Variants in TENM2 observed in about 807,000 individuals in gnomAD.
The protein encoded by TENM2 is teneurin-2.
A neutral mutation model predicts 245.2 loss-of-function variants in TENM2; 52 were observed. The observed-to-expected ratio is 0.21, with a 90% confidence interval of 0.17 to 0.27. The LOEUF (loss-of-function observed/expected upper bound fraction) is 0.27. TENM2 is among the 10% of genes least tolerant of loss of function. The pLI is 1.00. For synonymous variants in TENM2, 1,363 were observed against 1,438.9 expected (o/e 0.95, Z 1.19); for missense variants, 3,046 against 3,666.8 (o/e 0.83, Z 4.37).
chr5:166,983,927 C>T, the TENM2 span, among the ~76,000 whole-genome samples: 1 of 152,010 alleles, frequency 6.6e-6, no homozygotes, highest in African/African-American at 2.4e-5. Context: ...GTTTTCAGCT[C>T]ATTCATTCTT....
At chr5:168,046,491 C>T (rs959673707) in intron 5 of TENM2, among the ~76,000 whole-genome samples, 11 of 152,112 alleles carry the variant, frequency 7.2e-5, no homozygotes, top group Non-Finnish European at 1.5e-4. Flanking sequence ...GCTTTTCATT[C>T]CACTCAGTAG....
chr5:168,133,598 T>A (rs1225004981), intron 12 of TENM2, among the ~76,000 whole-genome samples: 1 of 152,238 alleles, frequency 6.6e-6, no homozygotes, highest in Non-Finnish European at 1.5e-5. Context: ...GCCCAGCTGA[T>A]GAGGCATTGT....
chr5:167,484,084 C>T (rs1182604577), intron 2 of TENM2, among the ~76,000 whole-genome samples: 2 of 152,130 alleles, frequency 1.3e-5, no homozygotes, highest in African/African-American at 2.4e-5. Flanking sequence ...TGGTGGCTCA[C>T]GCCTGTAATC....
intron 3 of TENM2, among the ~76,000 whole-genome samples, chr5:167,931,622 T>A (rs1183753745): frequency 6.9e-6 from 1 of 145,968 alleles, no homozygotes; most frequent in African/African-American, 2.5e-5. Flanking sequence ...GTTCCCCGGG[T>A]GGAGAATGAG....
In TENM2 at chr5:167,776,592, T is replaced by TGG. The variant is rs200986454; in HGVS notation, c.503-99393_503-99392insGG. Among the ~76,000 whole-genome samples, 4 of 36,840 alleles carry TGG rather than the reference T, an allele frequency of 1.1e-4. No individual in the cohort carries two copies. The African/African-American group carries it at 1.1e-3, about 10-fold the overall frequency. The allele number at this position is 36,840 out of a possible 152,430, so 24.2% of individuals were successfully genotyped here. ...CTTGGGCAGCAGATGAGACCCTGTCTGAAAAAAAAAAAAAAAAAAAAAAAA... is the reference window on the plus strand; with the variant it reads ...CTTGGGCAGCAGATGAGACCCTGTCTGGGAAAAAAAAAAAAAAAAAAAAAAAA... On this transcript the variant is annotated intron_variant, in intron 2 of 28. Coordinates refer to ENST00000518659, the Ensembl canonical transcript of TENM2.
intron 1 of TENM2, among the ~76,000 whole-genome samples, chr5:167,295,749 A>G (rs945950305): frequency 6.6e-6 from 1 of 152,146 alleles, no homozygotes; most frequent in Non-Finnish European, 1.5e-5. Flanking sequence ...TTTCTTGAGC[A>G]CCTTAATTGG....
intron 2 of TENM2, among the ~76,000 whole-genome samples, chr5:167,509,289 G>T (rs1282396098): frequency 6.6e-6 from 1 of 152,156 alleles, no homozygotes; most frequent in Non-Finnish European, 1.5e-5. Context: ...TCTAATTGTG[G>T]TGAGAAGCAA....
At chr5:167,416,095 G>A (rs1763154308) in intron 2 of TENM2, among the ~76,000 whole-genome samples, 1 of 152,154 alleles carries the variant, frequency 6.6e-6, no homozygotes, top group South Asian at 2.1e-4. Context: ...TAGTTTGAGG[G>A]ATATGTGTGT....
At chr5:167,168,781 A>T in the TENM2 span, among the ~76,000 whole-genome samples, 1 of 152,120 alleles carries the variant, frequency 6.6e-6, no homozygotes, top group East Asian at 1.9e-4. Flanking sequence ...GTTTTTTGAG[A>T]CAGAGTCTCG....
chr5:168,204,664 C>T, intron 19 of TENM2, 43 bp downstream of exon 21: 1 of 1,599,702 alleles, frequency 6.3e-7, no homozygotes, highest in Middle Eastern at 1.7e-4. Context: ...CTCTTGCCCC[C>T]CATAACTCCT....
In TENM2 at chr5:168,016,558, G is replaced by A. The variant is rs190836838; in HGVS notation, c.1186+23376G>A. Among the ~76,000 whole-genome samples the A allele has an allele frequency of 2.2e-4, 33 of 152,282 alleles. No individual in the cohort carries two copies. In the East Asian group the frequency reaches 4.6e-3, roughly 21 times the overall value. ...GAGTGGCTTCAAAGTCAGACCTGCC[G>A]AATTCCAACACCCATGTTAACGTAG... On this transcript the variant is annotated intron_variant, in intron 5 of 28. Transcript: ENST00000518659.
chr5:167,851,994 C>T (rs1770626805), intron 2 of TENM2, among the ~76,000 whole-genome samples: 1 of 152,106 alleles, frequency 6.6e-6, no homozygotes, highest in African/African-American at 2.4e-5. Flanking sequence ...GTGTCACACT[C>T]CTTAATTCTC....
the TENM2 span, among the ~76,000 whole-genome samples, chr5:167,239,640 T>C: frequency 6.6e-6 from 1 of 152,200 alleles, no homozygotes; most frequent in Non-Finnish European, 1.5e-5. Context: ...TGAAAGCAGA[T>C]GTGTTTGCTT....
the TENM2 span, among the ~76,000 whole-genome samples, chr5:167,038,091 G>A: frequency 6.6e-6 from 1 of 152,194 alleles, no homozygotes; most frequent in Non-Finnish European, 1.5e-5. Context: ...GTGGGATGAA[G>A]ACTGAGGGAC....
At chr5:168,094,491 T>C (rs549349149) in intron 8 of TENM2, among the ~76,000 whole-genome samples, 3 of 152,222 alleles carry the variant, frequency 2.0e-5, no homozygotes, top group African/African-American at 7.2e-5. Flanking sequence ...AGCTGGAGAA[T>C]GATGTTCCTC....
intron 2 of TENM2, among the ~76,000 whole-genome samples, chr5:167,814,463 A>G (rs1209923876): frequency 1.3e-5 from 2 of 150,952 alleles, no homozygotes; most frequent in Non-Finnish European, 3.0e-5. Context: ...CAAAAAAAAA[A>G]AAAAAAGAAA....
At chr5:167,750,936 A>G (rs1446150463) in intron 2 of TENM2, among the ~76,000 whole-genome samples, 1 of 152,222 alleles carries the variant, frequency 6.6e-6, no homozygotes, top group Non-Finnish European at 1.5e-5. Context: ...AATTTATAGA[A>G]TAGAATGACA....
intron 2 of TENM2, among the ~76,000 whole-genome samples, chr5:167,610,752 C>T (rs1777427717): frequency 6.6e-6 from 1 of 152,144 alleles, no homozygotes; most frequent in Non-Finnish European, 1.5e-5. Flanking sequence ...TCTGGATGAT[C>T]AGGCTGGTTC....
intron 2 of TENM2, among the ~76,000 whole-genome samples, chr5:167,740,812 T>C (rs1002030143): frequency 2.0e-5 from 3 of 152,176 alleles, no homozygotes; most frequent in Admixed American, 1.3e-4. Context: ...CCTAACCTCA[T>C]TTTCAAATTC....
Sources: allele counts gnomAD v4.1 joint callset (sites outside exome capture counted in the v4.1 genomes callset), GRCh38; gene constraint gnomAD v4.1.1; transcripts MANE v1.5; gene names NCBI Gene and HGNC (gene_info 2026-07-23, HGNC 2026-07-21).